The following DGKI variants were observed in gnomAD, a reference collection of about 807,000 sequenced individuals.
The protein encoded by DGKI is DAG kinase iota.
A neutral mutation model predicts 147.5 loss-of-function variants in DGKI; 55 were observed. The observed-to-expected ratio is 0.37, with a 90% CI of 0.30 to 0.47. The LOEUF (loss-of-function observed/expected upper bound fraction) is 0.47. Ranked by LOEUF, DGKI falls within the 20% of genes least tolerant of loss-of-function variation. The pLI, the probability that DGKI is intolerant of heterozygous loss-of-function variation, is 1.00. For synonymous variants in DGKI, 469 were observed against 477.1 expected, an observed-to-expected ratio of 0.98 and a Z score of 0.22; for missense variants, 1,007 against 1,323.8, an observed-to-expected ratio of 0.76 and a Z score of 3.71.
intron 12 of DGKI, among the ~76,000 whole-genome samples, chr7:137,591,075 G>A (rs568448782): frequency 3.3e-5 from 5 of 152,276 alleles, no homozygotes; most frequent in East Asian, 3.9e-4. Context: ...AGGAGTTCTC[G>A]TGATACTGAG....
At chr7:137,573,382 T>C (rs1818858186) in intron 17 of DGKI, among the ~76,000 whole-genome samples, 1 of 152,216 alleles carries the variant, frequency 6.6e-6, no homozygotes, top group Non-Finnish European at 1.5e-5. Flanking sequence ...AAGATATCTA[T>C]CATACAGTAG....
At chr7:137,551,274 A>G (rs573663547) in intron 20 of DGKI, among the ~76,000 whole-genome samples, 1 of 152,294 alleles carries the variant, frequency 6.6e-6, no homozygotes, top group East Asian at 1.9e-4. Context: ...CTGTTCCTCA[A>G]CCAACATGTG....
rs561137252 is a variant in DGKI at position 137,649,577 on chromosome 7, A to G, written c.739-4040T>C. ...TATATTCAGTATTGTTAGCAAAAAT[A>G]CACAATACAATTGCTTGGCTATTTT... On this transcript the variant is annotated intron_variant, in intron 5 of 32. Coordinates refer to ENST00000614521, the MANE Select transcript of DGKI (RefSeq NM_001321708.2). Among the ~76,000 whole-genome samples the G allele has an allele frequency of 1.4e-4, 22 of 152,188 alleles. 1 individual carries two copies. The South Asian group carries it at 4.6e-3, about 32-fold the overall frequency.
chr7:137,575,709 T>C (rs899350479), intron 17 of DGKI, among the ~76,000 whole-genome samples: 2 of 152,242 alleles, frequency 1.3e-5, no homozygotes, highest in African/African-American at 4.8e-5. Context: ...TGTGTTCTTG[T>C]ATCTAGCTTT....
chr7:137,815,902 T>C (rs1459696229), intron 1 of DGKI, among the ~76,000 whole-genome samples: 1 of 152,176 alleles, frequency 6.6e-6, no homozygotes, highest in African/African-American at 2.4e-5. Context: ...TTATAGGCCC[T>C]TATATATTTG....
intron 6 of DGKI, among the ~76,000 whole-genome samples, chr7:137,636,150 T>A (rs1481155419): frequency 3.3e-5 from 5 of 152,160 alleles, no homozygotes; most frequent in African/African-American, 1.2e-4. Context: ...TTTGTAATGC[T>A]ATGAACAATT....
At chr7:137,404,183 T>G (rs1000829908) in intron 30 of DGKI, among the ~76,000 whole-genome samples, 1 of 152,210 alleles carries the variant, frequency 6.6e-6, no homozygotes, top group African/African-American at 2.4e-5. Flanking sequence ...GGAATGGTTT[T>G]GCTATGATAG....
At chr7:137,815,943 C>T (rs1474919001) in intron 1 of DGKI, among the ~76,000 whole-genome samples, 3 of 152,130 alleles carry the variant, frequency 2.0e-5, no homozygotes, top group East Asian at 1.9e-4. Flanking sequence ...GGTCTGTTCC[C>T]ATCATCAACC....
rs768432551 is a variant in DGKI at position 137,619,815 on chromosome 7, G to A, written c.993+9C>T. The A allele has an allele frequency of 3.7e-6, 6 of 1,605,110 alleles. No individual in the cohort carries two copies. In the South Asian group the frequency reaches 5.5e-5, roughly 15 times the overall value. On this transcript the variant is annotated intron_variant, in intron 8 of 32. Transcript: ENST00000614521. Reference sequence around the variant, plus strand: ...ACTGGCCCAGCAGCACCAGAGTCCTGGCAGTTACCTGAGGTTTCTTCACCT... The same window carrying A: ...ACTGGCCCAGCAGCACCAGAGTCCTAGCAGTTACCTGAGGTTTCTTCACCT...
chr7:137,396,104 G>A (rs533787563), intron 31 of DGKI: 3 of 161,524 alleles, frequency 1.9e-5, no homozygotes, highest in Admixed American at 6.0e-5. Flanking sequence ...AGTGTGGAGC[G>A]CCTCTGGCCC....
intron 21 of DGKI, among the ~76,000 whole-genome samples, chr7:137,503,368 C>A (rs1816251668): frequency 6.6e-6 from 1 of 152,256 alleles, no homozygotes; most frequent in Admixed American, 6.5e-5. Flanking sequence ...TATTAAAATT[C>A]TTACAACAGA....
intron 6 of DGKI, among the ~76,000 whole-genome samples, chr7:137,634,944 A>G (rs1168418744): frequency 6.6e-6 from 1 of 152,204 alleles, no homozygotes; most frequent in Non-Finnish European, 1.5e-5. Context: ...TAGAATATAT[A>G]ATGATGCACA....
At chr7:137,423,323 G>A (rs1288035103) in intron 28 of DGKI, among the ~76,000 whole-genome samples, 1 of 152,176 alleles carries the variant, frequency 6.6e-6, no homozygotes, top group African/African-American at 2.4e-5. Context: ...ACATCAGGCA[G>A]GCATTCTTCC....
chr7:137,723,315 C>T (rs966998111), intron 1 of DGKI, among the ~76,000 whole-genome samples: 25 of 152,210 alleles, frequency 1.6e-4, no homozygotes, highest in Admixed American at 5.9e-4. Context: ...TTACCCAACA[C>T]ATTTATATGT....
At chr7:137,450,091 A>C (rs2128920182) in intron 27 of DGKI, among the ~76,000 whole-genome samples, 1 of 143,428 alleles carries the variant, frequency 7.0e-6, no homozygotes, top group South Asian at 2.1e-4. Flanking sequence ...ATTTCACAGA[A>C]GTAGAGAGTA....
intron 8 of DGKI, among the ~76,000 whole-genome samples, chr7:137,618,492 C>T (rs762863405): frequency 1.3e-5 from 2 of 150,760 alleles, no homozygotes; most frequent in Non-Finnish European, 2.9e-5. Context: ...CATAACAAGA[C>T]TCTTAAGAGT....
intron 1 of DGKI, among the ~76,000 whole-genome samples, chr7:137,747,110 T>G (rs1417982063): frequency 6.6e-6 from 1 of 152,174 alleles, no homozygotes; most frequent in East Asian, 1.9e-4. Context: ...AGTGTAATCC[T>G]ATTTTTTTTA....
intron 17 of DGKI, among the ~76,000 whole-genome samples, chr7:137,575,077 A>T (rs1221721878): frequency 6.6e-6 from 1 of 152,184 alleles, no homozygotes; most frequent in African/African-American, 2.4e-5. Context: ...GTCAAAAACC[A>T]TTGCATCAAA....
At chr7:137,639,209 T>C (rs189443566) in intron 6 of DGKI, among the ~76,000 whole-genome samples, 27 of 152,256 alleles carry the variant, frequency 1.8e-4, no homozygotes, top group African/African-American at 6.0e-4. Context: ...ACATATGAAA[T>C]ATGCAATGAG....
Sources: allele counts gnomAD v4.1 joint callset (sites outside exome capture counted in the v4.1 genomes callset), GRCh38; gene constraint gnomAD v4.1.1; transcripts MANE v1.5; gene names NCBI Gene and HGNC (gene_info 2026-07-23, HGNC 2026-07-21).